DSCAML1: variants seen among roughly 807,000 people sequenced by gnomAD.
DSCAML1 encodes DS cell adhesion molecule like 1.
DSCAML1 carries 38 observed loss-of-function variants against 200.5 expected under a neutral mutation model. That is an observed-to-expected ratio of 0.19 (90% CI 0.15 to 0.25). The LOEUF (loss-of-function observed/expected upper bound fraction) is 0.25. Among genes scored for constraint, DSCAML1 ranks in the 10% least tolerant of loss-of-function variants. The pLI is 1.00. For synonymous variants in DSCAML1, 1,215 were observed against 1,165.0 expected (o/e 1.04, Z -0.87); for missense variants, 2,223 against 2,858.8 (o/e 0.78, Z 5.07).
At chr11:117,626,883 C>G (rs1242089554) in intron 3 of DSCAML1, among the ~76,000 whole-genome samples, 1 of 152,116 alleles carries the variant, frequency 6.6e-6, no homozygotes, top group African/African-American at 2.4e-5. Flanking sequence ...CTCCACGGTG[C>G]CTGCCACTTG....
At chr11:117,746,518 G>A (rs1394709776) in intron 3 of DSCAML1, among the ~76,000 whole-genome samples, 1 of 152,128 alleles carries the variant, frequency 6.6e-6, no homozygotes, top group Non-Finnish European at 1.5e-5. Flanking sequence ...AGTGCTTGAA[G>A]CCCTCAGGAG....
chr11:117,589,800 CCTTT>C (rs2137480857), intron 3 of DSCAML1, among the ~76,000 whole-genome samples: 1 of 152,282 alleles, frequency 6.6e-6, no homozygotes, highest in Non-Finnish European at 1.5e-5. Context: ...CTTTCTTGCT[CCTTT>C]GAGTTTGACA....
intron 3 of DSCAML1, among the ~76,000 whole-genome samples, chr11:117,771,486 G>A (rs1310462678): frequency 1.3e-5 from 2 of 152,186 alleles, no homozygotes; most frequent in African/African-American, 4.8e-5. Context: ...TCTGGTCACT[G>A]CACACACAGC....
chr11:117,506,040 C>T (rs948595340), intron 8 of DSCAML1, among the ~76,000 whole-genome samples: 5 of 152,252 alleles, frequency 3.3e-5, no homozygotes, highest in East Asian at 1.9e-4. Flanking sequence ...TTCCCTCCAG[C>T]TTCCCTGCTG....
intron 26 of DSCAML1, 146 bp from the exon 27 acceptor site, chr11:117,435,945 C>T (rs2047906341): frequency 7.5e-6 from 6 of 796,480 alleles, no homozygotes; most frequent in Non-Finnish European, 9.2e-6. Context: ...TGGACTTCCC[C>T]TCTGCTCCCC....
At chr11:117,483,121 C>T (rs1410290217) in intron 11 of DSCAML1, among the ~76,000 whole-genome samples, 2 of 152,194 alleles carry the variant, frequency 1.3e-5, no homozygotes, top group South Asian at 2.1e-4. Flanking sequence ...TGAGCACCTG[C>T]GGCAGCAGCA....
At position 117,439,995 on chromosome 11, in the gene DSCAML1, T is replaced by G. The variant is rs1000909581; in HGVS notation, c.3863-59A>C. 6.5e-5 allele frequency: 94 copies of G among 1,451,140 alleles called. No individual in the cohort carries two copies. The Admixed American group carries it at 1.6e-3, about 24-fold the overall frequency. The allele number at this position is 1,451,140 out of a possible 1,614,324, so 89.9% of individuals were successfully genotyped here. On this transcript the variant is annotated intron_variant, in intron 21 of 32. Transcript: ENST00000651296. ...TCTACCCCTGCACAATATCCTGGCC[T>G]CCTTCCTTAGGGCCCCCTGGATTTA...
At chr11:117,550,314 C>T (rs2050446227) in intron 3 of DSCAML1, among the ~76,000 whole-genome samples, 1 of 152,172 alleles carries the variant, frequency 6.6e-6, no homozygotes, top group South Asian at 2.1e-4. Context: ...GATTCAGAAG[C>T]TTGCCTAAAG....
chr11:117,674,368 G>A (rs79778375), intron 3 of DSCAML1, among the ~76,000 whole-genome samples: 4,318 of 152,216 alleles, frequency 0.028, 78 homozygotes, highest in Non-Finnish European at 0.039. Context: ...TTCTTTGGAC[G>A]GGGGAAGCTG....
At chr11:117,698,909 C>A (rs1401772664) in intron 3 of DSCAML1, among the ~76,000 whole-genome samples, 2 of 152,186 alleles carry the variant, frequency 1.3e-5, no homozygotes, top group African/African-American at 4.8e-5. Context: ...CTGCCCCATC[C>A]AACTAGTTTT....
At chr11:117,777,080 C>A (rs1399281220) in intron 2 of DSCAML1, 143 bp from the exon 3 acceptor site, 2 of 882,622 alleles carry the variant, frequency 2.3e-6, no homozygotes, top group South Asian at 1.7e-5. Flanking sequence ...TCCTGCTTAG[C>A]CAGCCTAGAA....
At chr11:117,492,767 G>A (rs1205300425) in intron 11 of DSCAML1, among the ~76,000 whole-genome samples, 1 of 152,158 alleles carries the variant, frequency 6.6e-6, no homozygotes, top group Non-Finnish European at 1.5e-5. Context: ...CGACGGCAGC[G>A]GCATCTCCAG....
chr11:117,435,041 T>C (rs1210550754), intron 27 of DSCAML1, among the ~76,000 whole-genome samples: 1 of 152,216 alleles, frequency 6.6e-6, no homozygotes. Flanking sequence ...CCAATAAAAG[T>C]TTTCCAAATA....
At chr11:117,720,809 G>A (rs893291933) in intron 3 of DSCAML1, among the ~76,000 whole-genome samples, 4 of 152,230 alleles carry the variant, frequency 2.6e-5, no homozygotes, top group Admixed American at 6.5e-5. Context: ...GCTTAGCACA[G>A]TACCTGACAC....
rs769818097 is a variant in DSCAML1, at chr11:117,504,880, C to T, written c.2182+44G>A. 31 of 1,568,764 alleles carry T rather than the reference C, an allele frequency of 2.0e-5. No homozygotes were observed. Among genetic ancestry groups the T allele is most frequent in the Middle Eastern group, 1.7e-4 (1 of 5,874 alleles). On this transcript the variant is annotated intron_variant, in intron 10 of 32. Transcript: ENST00000651296. This position sits in a 1 kb window ranked among gnomAD's most constrained non-coding sequence, Gnocchi z 5.0. ...ATCCCACAGAGCATCCTCCGTTCCC[C>T]GTCCCTGCCCTTCTTGGAGATTCTG...
chr11:117,613,273 C>T (rs1857157339), intron 3 of DSCAML1, among the ~76,000 whole-genome samples: 1 of 151,888 alleles, frequency 6.6e-6, no homozygotes, highest in African/African-American at 2.4e-5. Context: ...CCAGGCACCC[C>T]AGAAAAAGAC....
intron 3 of DSCAML1, among the ~76,000 whole-genome samples, chr11:117,577,499 TTCCTTCCC>T (rs1401785432): frequency 0.035 from 574 of 16,378 alleles, 10 homozygotes; most frequent in Middle Eastern, 0.067. Context: ...CCTTCCTTCC[TTCCTTCCC>T]TCCTTCCTTC....
chr11:117,521,224 G>A lies in DSCAML1; in HGVS notation c.1119C>T (p.Ile373=). ...IRGLSNETLL[I]TSAQKSHSGA... is the part of the protein sequence containing the mutation. Reference sequence around the variant, plus strand: ...CGGAATGGCTCTTCTGGGCCGAGGTGATGAGCAGCGTCTCGTTGCTGAGCC... The same window carrying A: ...CGGAATGGCTCTTCTGGGCCGAGGTAATGAGCAGCGTCTCGTTGCTGAGCC... The change falls in exon 6 of 33, where the codon ATC becomes ATT. Residue 373 remains isoleucine, a synonymous_variant. Coordinates refer to ENST00000651296, the MANE Select transcript of DSCAML1 (RefSeq NM_020693.4). 1 of 1,614,190 alleles carries A rather than the reference G, an allele frequency of 6.2e-7. No individual in the cohort carries two copies. Among genetic ancestry groups the A allele is most frequent in the Non-Finnish European group, 8.5e-7 (1 of 1,180,044 alleles).
chr11:117,762,450 T>C (rs1031162582), intron 3 of DSCAML1, among the ~76,000 whole-genome samples: 1 of 152,226 alleles, frequency 6.6e-6, no homozygotes. Context: ...TTTTTTTTCC[T>C]TTCCTGAGTC....
Sources: gnomAD v4.1 joint callset for allele counts (sites outside exome capture counted in the v4.1 genomes callset) on GRCh38, gnomAD v4.1.1 for gene constraint, Gnocchi (gnomAD v3.1) non-coding constraint, MANE v1.5 for transcripts, NCBI Gene and HGNC (gene_info 2026-07-23, HGNC 2026-07-21) for gene names.